The following GRID2 variants were observed in gnomAD, a reference collection of about 807,000 sequenced individuals.
The protein encoded by GRID2 is glutamate receptor ionotropic, delta-2.
A neutral mutation model predicts 114.8 loss-of-function variants in GRID2; 33 were observed. The ratio of observed to expected loss-of-function variants is 0.29; its 90% CI spans 0.22 to 0.38. The LOEUF (loss-of-function observed/expected upper bound fraction) is 0.38. GRID2 is among the 10% of genes least tolerant of loss of function. The pLI is 1.00. For missense variants in GRID2, 1,184 were observed against 1,257.7 expected (o/e 0.94, Z 0.89); for synonymous variants, 505 against 449.9 (o/e 1.12, Z -1.55).
chr4:93,786,056 A>T (rs1734586948), intron 1 of GRID2, among the ~76,000 whole-genome samples: 1 of 152,244 alleles, frequency 6.6e-6, no homozygotes, highest in African/African-American at 2.4e-5. Context: ...ACTAGCTAAA[A>T]GAAATCTGGA....
intron 13 of GRID2, among the ~76,000 whole-genome samples, chr4:93,533,593 T>C (rs1204663481): frequency 1.4e-5 from 2 of 146,466 alleles, no homozygotes; most frequent in African/African-American, 2.5e-5. Context: ...TTTCACCAGG[T>C]TGGCCAGGCT....
intron 14 of GRID2, among the ~76,000 whole-genome samples, chr4:93,679,155 C>A (rs1479695717): frequency 6.6e-6 from 1 of 150,996 alleles, no homozygotes; most frequent in Non-Finnish European, 1.5e-5. Context: ...AGACTTTAAA[C>A]CAACAAAAAT....
intron 1 of GRID2, among the ~76,000 whole-genome samples, chr4:92,386,081 A>T: frequency 6.6e-6 from 1 of 151,564 alleles, no homozygotes; most frequent in East Asian, 1.9e-4. Flanking sequence ...TTTGTATGAT[A>T]TTCTGTTCAA....
intron 1 of GRID2, among the ~76,000 whole-genome samples, chr4:92,432,229 A>C (rs1225227032): frequency 6.6e-6 from 1 of 152,092 alleles, no homozygotes. Flanking sequence ...CCTAAGGCCC[A>C]TGGCGACCAC....
At chr4:93,532,793 C>T (rs1485963561) in intron 13 of GRID2, among the ~76,000 whole-genome samples, 1 of 152,136 alleles carries the variant, frequency 6.6e-6, no homozygotes, top group Non-Finnish European at 1.5e-5. Context: ...GTTTGTCAAT[C>T]TAGCTGTTTT....
chr4:92,957,566 C>T (rs1199477042), intron 2 of GRID2, among the ~76,000 whole-genome samples: 1 of 152,000 alleles, frequency 6.6e-6, no homozygotes, highest in Non-Finnish European at 1.5e-5. Context: ...TTATAACAAA[C>T]TTTTGAGTCA....
At chr4:92,810,079 T>A (rs992461791) in intron 2 of GRID2, among the ~76,000 whole-genome samples, 1 of 152,070 alleles carries the variant, frequency 6.6e-6, no homozygotes, top group Admixed American at 6.6e-5. Context: ...TCAGATTTAA[T>A]ATGACTTCAA....
chr4:92,479,798 G>A (rs1722493151), intron 1 of GRID2, among the ~76,000 whole-genome samples: 1 of 152,098 alleles, frequency 6.6e-6, no homozygotes, highest in Admixed American at 6.6e-5. Flanking sequence ...GTGGGCTTCA[G>A]TTAGCTAAAA....
chr4:92,331,989 G>A (rs1230192194), intron 1 of GRID2, among the ~76,000 whole-genome samples: 1 of 152,120 alleles, frequency 6.6e-6, no homozygotes, highest in South Asian at 2.1e-4. Flanking sequence ...TGATTCTCTT[G>A]TCAGTGGTAG....
intron 14 of GRID2, among the ~76,000 whole-genome samples, chr4:93,647,440 T>C (rs1475515024): frequency 2.0e-5 from 3 of 152,194 alleles, no homozygotes; most frequent in African/African-American, 4.8e-5. Flanking sequence ...CATCCATCCA[T>C]GGTGAGTGAG....
intron 1 of GRID2, among the ~76,000 whole-genome samples, chr4:92,566,740 G>A (rs377686921): frequency 6.6e-6 from 1 of 151,988 alleles, no homozygotes; most frequent in East Asian, 1.9e-4. Flanking sequence ...ATGTAACTAT[G>A]AAAACTAGAA....
intron 8 of GRID2, among the ~76,000 whole-genome samples, chr4:93,373,270 C>T (rs1323759516): frequency 6.6e-6 from 1 of 151,880 alleles, no homozygotes; most frequent in Non-Finnish European, 1.5e-5. Context: ...TTTTGTTATC[C>T]TCTCTCTTCT....
Position 92,744,910 on chromosome 4 carries a change from A to G in GRID2, c.244+154624A>G, listed in dbSNP as rs192245173. On this transcript the variant is annotated intron_variant, in intron 2 of 15. Transcript: ENST00000282020. The stretch of plus-strand genomic sequence containing the variant: ...TGTCTGGGTACAGTGCTTTGTAGCA[A>G]AGGGAAGGGCTAATTTAGCACTGTT... 6.6e-3 allele frequency among the ~76,000 whole-genome samples: 1,009 copies of G among 152,254 alleles called. 7 individuals are homozygous for G. Among genetic ancestry groups the G allele is most frequent in the Middle Eastern group, 0.027 (8 of 292 alleles).
chr4:93,435,619 A>G (rs1446150166), intron 10 of GRID2, among the ~76,000 whole-genome samples: 1 of 152,146 alleles, frequency 6.6e-6, no homozygotes, highest in Non-Finnish European at 1.5e-5. Context: ...ACAGGTATTG[A>G]CTCCTTACAT....
intron 1 of GRID2, among the ~76,000 whole-genome samples, chr4:92,488,548 G>A (rs1723002133): frequency 6.6e-6 from 1 of 152,084 alleles, no homozygotes; most frequent in South Asian, 2.1e-4. Context: ...TTATGTTACT[G>A]GGAAATGGGA....
intron 2 of GRID2, among the ~76,000 whole-genome samples, chr4:92,724,114 G>A (rs541579560): frequency 6.6e-6 from 1 of 152,114 alleles, no homozygotes; most frequent in South Asian, 2.1e-4. Context: ...GGTACTATAA[G>A]ACATTCTTTT....
At chr4:93,464,856 T>A (rs1312287943) in intron 11 of GRID2, among the ~76,000 whole-genome samples, 2 of 152,220 alleles carry the variant, frequency 1.3e-5, no homozygotes, top group East Asian at 3.8e-4. Context: ...TTGGGATTGC[T>A]GCACAGTGTA....
At chr4:93,180,202 A>G (rs1305189944) in intron 4 of GRID2, among the ~76,000 whole-genome samples, 3 of 152,080 alleles carry the variant, frequency 2.0e-5, no homozygotes, top group African/African-American at 7.2e-5. Context: ...TTTTGGAGAC[A>G]TCACACGATG....
chr4:92,937,384 C>T lies in GRID2; in HGVS notation c.245-147611C>T, dbSNP rs993965319. Reference sequence around the variant, plus strand: ...TATTTATATGATGTGAGGTAGGAGTCCAACTTCATTCTTCTGTGTGTGGAT... The same window carrying T: ...TATTTATATGATGTGAGGTAGGAGTTCAACTTCATTCTTCTGTGTGTGGAT... On this transcript the variant is annotated intron_variant, in intron 2 of 15. Transcript: ENST00000282020. Among the ~76,000 whole-genome samples, 14 of 146,538 alleles carry T rather than the reference C, an allele frequency of 9.6e-5. 1 individual carries two copies. Among genetic ancestry groups the T allele is most frequent in the South Asian group, 6.9e-4 (3 of 4,378 alleles).
Sources: allele counts gnomAD v4.1 joint callset (sites outside exome capture counted in the v4.1 genomes callset), GRCh38; gene constraint gnomAD v4.1.1; transcripts MANE v1.5; gene names NCBI Gene and HGNC (gene_info 2026-07-23, HGNC 2026-07-21).